The following COG5 variants were observed in gnomAD, a reference collection of about 807,000 sequenced individuals.
COG5 encodes component of oligomeric golgi complex 5.
Under a neutral mutation model 110.4 loss-of-function variants are expected in COG5, and 86 were observed. The ratio of observed to expected loss-of-function variants is 0.78; its 90% confidence interval spans 0.65 to 0.93. The LOEUF is 0.93. Ranked by LOEUF, COG5 falls within the 40% of genes least tolerant of loss-of-function variation. The pLI, the probability that COG5 is intolerant of heterozygous loss-of-function variation, is 0.00. For synonymous variants in COG5, 360 were observed against 334.6 expected (o/e 1.08, Z -0.83); for missense variants, 1,077 against 987.0 (o/e 1.09, Z -1.22).
chr7:107,275,387 TG>T (rs576795709), intron 14 of COG5, among the ~76,000 whole-genome samples: 15 of 151,954 alleles, frequency 9.9e-5, no homozygotes, highest in Admixed American at 2.0e-4. Context: ...AAGACACTAC[TG>T]ATTTGTTTCA....
At chr7:107,210,390 G>A in intron 21 of COG5, 136 bp downstream of exon 21, 1 of 1,472,600 alleles carries the variant, frequency 6.8e-7, no homozygotes, top group Non-Finnish European at 9.0e-7. Context: ...CCGTGCCTAG[G>A]CAGTGAGGTG....
intron 16 of COG5, among the ~76,000 whole-genome samples, chr7:107,255,596 AG>A (rs778876552): frequency 1.3e-5 from 2 of 152,070 alleles, no homozygotes; most frequent in Non-Finnish European, 2.9e-5. Flanking sequence ...GTTTCTCCAT[AG>A]GATTTACTTG....
chr7:107,206,149 G>C (rs547610718), intron 21 of COG5, among the ~76,000 whole-genome samples: 1 of 152,106 alleles, frequency 6.6e-6, no homozygotes, highest in Non-Finnish European at 1.5e-5. Flanking sequence ...TTTTAGTAGA[G>C]ACGGGGTTTC....
intron 12 of COG5, among the ~76,000 whole-genome samples, chr7:107,288,251 C>G (rs1003341582): frequency 3.9e-5 from 6 of 152,102 alleles, no homozygotes; most frequent in African/African-American, 1.4e-4. Context: ...GTAATCCCAG[C>G]TACTCAAAGG....
rs139911139 is a variant in COG5 at position 107,410,711 on chromosome 7, G to A, written c.669+1791C>T. Among the ~76,000 whole-genome samples, 823 of 152,196 alleles carry A rather than the reference G, an allele frequency of 5.4e-3. 9 individuals are homozygous for A. Among genetic ancestry groups the A allele is most frequent in the African/African-American group, 0.019 (801 of 41,510 alleles). ...CCCGCCTTGGCCTCCCAAAGTGCTG[G>A]GATTACAGGTGTGAGCCACCGTGCC... On this transcript the variant is annotated intron_variant, in intron 7 of 21. Transcript: ENST00000297135.
At chr7:107,217,751 CATT>C (rs1374643306) in intron 19 of COG5, among the ~76,000 whole-genome samples, 1 of 152,058 alleles carries the variant, frequency 6.6e-6, no homozygotes, top group Non-Finnish European at 1.5e-5. Context: ...CTACAGCTAA[CATT>C]ATACTCAATG....
At chr7:107,483,649 A>T (rs546595646) in intron 6 of COG5, among the ~76,000 whole-genome samples, 2 of 152,082 alleles carry the variant, frequency 1.3e-5, no homozygotes, top group South Asian at 4.2e-4. Flanking sequence ...GGTTGTGGTG[A>T]GCCAAGATCG....
At chr7:107,494,205 G>C (rs1010071594) in intron 6 of COG5, among the ~76,000 whole-genome samples, 7 of 152,078 alleles carry the variant, frequency 4.6e-5, no homozygotes, top group Admixed American at 6.6e-5. Context: ...AATTTACAAT[G>C]CATATCCAAT....
intron 6 of COG5, among the ~76,000 whole-genome samples, chr7:107,421,942 C>G (rs1793322046): frequency 6.6e-6 from 1 of 152,026 alleles, no homozygotes; most frequent in Non-Finnish European, 1.5e-5. Context: ...CTGTGAGATG[C>G]AACCAACGCA....
chr7:107,462,490 A>G (rs1796056332), intron 6 of COG5, among the ~76,000 whole-genome samples: 1 of 151,896 alleles, frequency 6.6e-6, no homozygotes, highest in Non-Finnish European at 1.5e-5. Flanking sequence ...CCTTTCTACC[A>G]TCTTTAATAT....
At chr7:107,554,416 C>A in intron 2 of COG5, 74 bp from the exon 3 acceptor site, 1 of 1,287,988 alleles carries the variant, frequency 7.8e-7, no homozygotes, top group Non-Finnish European at 1.1e-6. Context: ...GTAGAATGGA[C>A]AGTCTCTCTT....
chr7:107,552,155 A>C (rs1221437276), intron 3 of COG5, among the ~76,000 whole-genome samples: 5 of 152,240 alleles, frequency 3.3e-5, no homozygotes, highest in Non-Finnish European at 7.3e-5. Flanking sequence ...GCGGTGATTC[A>C]TCTAGACCTA....
chr7:107,301,777 G>A (rs1302131762), intron 11 of COG5, among the ~76,000 whole-genome samples: 1 of 152,006 alleles, frequency 6.6e-6, no homozygotes. Flanking sequence ...GCTGAGGCAC[G>A]AAAATTGCTT....
rs143886352 is a variant in COG5 at position 107,517,076 on chromosome 7, T to G, written c.538+10161A>C. 3.9e-3 allele frequency among the ~76,000 whole-genome samples: 597 copies of G among 152,298 alleles called. 6 individuals carry two copies. Among genetic ancestry groups the G allele is most frequent in the African/African-American group, 0.013 (551 of 41,574 alleles). ...AACTCTGCTGAGCTAAAGAAGCATG[T>G]TCTAACCCAATGCAAAGAAGCTAAG... On this transcript the variant is annotated intron_variant, in intron 6 of 21. Coordinates refer to ENST00000297135, the MANE Select transcript of COG5 (RefSeq NM_006348.5).
intron 19 of COG5, among the ~76,000 whole-genome samples, chr7:107,223,146 A>C (rs1355972881): frequency 6.6e-6 from 1 of 152,172 alleles, no homozygotes; most frequent in Non-Finnish European, 1.5e-5. Context: ...CAAGACCACT[A>C]AGTATGCGTA....
At chr7:107,258,542 A>T (rs1039254507) in intron 14 of COG5, 159 bp from the exon 15 acceptor site, 2 of 653,520 alleles carry the variant, frequency 3.1e-6, no homozygotes, top group Non-Finnish European at 5.5e-6. Context: ...GGAAATATTC[A>T]GGTCAACTTA....
intron 16 of COG5, among the ~76,000 whole-genome samples, chr7:107,252,574 C>T (rs1482962851): frequency 6.6e-6 from 1 of 152,060 alleles, no homozygotes; most frequent in Non-Finnish European, 1.5e-5. Flanking sequence ...TATTAACTTG[C>T]TACCAAAACC....
chr7:107,486,964 C>CA (rs1797690434), intron 6 of COG5, among the ~76,000 whole-genome samples: 1 of 151,616 alleles, frequency 6.6e-6, no homozygotes. Flanking sequence ...TAAGTTATAC[C>CA]AAAAAAATAG....
intron 6 of COG5, among the ~76,000 whole-genome samples, chr7:107,488,258 T>C (rs1797769893): frequency 6.6e-6 from 1 of 151,542 alleles, no homozygotes; most frequent in Admixed American, 6.6e-5. Flanking sequence ...CAAACATAAG[T>C]GTAAAATTAT....
Sources: gnomAD v4.1 joint callset for allele counts (sites outside exome capture counted in the v4.1 genomes callset) on GRCh38, gnomAD v4.1.1 for gene constraint, MANE v1.5 for transcripts, NCBI Gene and HGNC (gene_info 2026-07-23, HGNC 2026-07-21) for gene names.